Variants in LINGO1 observed in about 807,000 individuals in gnomAD.
LINGO1 encodes the protein leucine-rich repeat and immunoglobulin-like domain-containing nogo receptor-interacting protein 1.
Under a neutral mutation model 37.3 loss-of-function variants are expected in LINGO1, and 11 were observed. The observed-to-expected ratio is 0.29, with a 90% CI of 0.19 to 0.49. LINGO1 has a LOEUF of 0.49. Ranked by LOEUF, LINGO1 falls within the 20% of genes least tolerant of loss-of-function variation. LINGO1 has a pLI of 0.99. For synonymous variants in LINGO1, 387 were observed against 403.0 expected, an observed-to-expected ratio of 0.96 and a Z score of 0.48; for missense variants, 585 against 878.2, an observed-to-expected ratio of 0.67 and a Z score of 4.22.
At chr15:77,806,767 C>A (rs1476444382) in intron 1 of LINGO1, among the ~76,000 whole-genome samples, 1 of 152,076 alleles carries the variant, frequency 6.6e-6, no homozygotes, top group Non-Finnish European at 1.5e-5. Flanking sequence ...AGGAGGTGAG[C>A]GCCAGGATCT....
intron 3 of LINGO1, among the ~76,000 whole-genome samples, chr15:77,673,529 G>A (rs756837304): frequency 4.6e-5 from 7 of 152,166 alleles, no homozygotes; most frequent in African/African-American, 1.2e-4. Context: ...TGCCCTTGGC[G>A]TCCAGGACAT....
At chr15:77,699,771 T>TGCACACAGTAAGCA (rs2075756380), upstream of LINGO1, among the ~76,000 whole-genome samples, 4 of 89,104 alleles carry the variant, frequency 4.5e-5, no homozygotes, top group African/African-American at 1.2e-4. Flanking sequence ...ATACTAACCA[T>TGCACACAGTAAGCA]CATTCCCCCC....
At chr15:77,794,013 G>A (rs1262987727) in intron 2 of LINGO1, among the ~76,000 whole-genome samples, 1 of 152,092 alleles carries the variant, frequency 6.6e-6, no homozygotes, top group Admixed American at 6.5e-5. Context: ...TGGCCCTCCT[G>A]CCCTGCGTCA....
chr15:77,755,504 C>T (rs1158025630), intron 1 of LINGO1, among the ~76,000 whole-genome samples: 2 of 152,230 alleles, frequency 1.3e-5, no homozygotes, highest in Non-Finnish European at 2.9e-5. Flanking sequence ...ACCTCCCTGA[C>T]CCCGCATTTC....
At chr15:77,710,493 G>T (rs778998006) in intron 2 of LINGO1, among the ~76,000 whole-genome samples, 1 of 152,218 alleles carries the variant, frequency 6.6e-6, no homozygotes, top group Non-Finnish European at 1.5e-5. Context: ...TCAGTTTCAC[G>T]GTGTGGCAGG....
At chr15:77,807,222 G>A (rs2076967516) in intron 1 of LINGO1, among the ~76,000 whole-genome samples, 1 of 152,318 alleles carries the variant, frequency 6.6e-6, no homozygotes, top group South Asian at 2.1e-4. Context: ...TCATACCCAG[G>A]ACCCACCTGT....
intron 1 of LINGO1, among the ~76,000 whole-genome samples, chr15:77,771,121 G>A (rs994544025): frequency 2.0e-5 from 3 of 152,266 alleles, no homozygotes; most frequent in Admixed American, 1.3e-4. Context: ...AGTCCTTCTC[G>A]AGGGAGAGTT....
At chr15:77,776,749 C>G (rs970815801) in intron 1 of LINGO1, among the ~76,000 whole-genome samples, 1 of 152,200 alleles carries the variant, frequency 6.6e-6, no homozygotes, top group Non-Finnish European at 1.5e-5. Context: ...CTGCAAAGCT[C>G]CTTCTACCGC....
intron 1 of LINGO1, among the ~76,000 whole-genome samples, chr15:77,811,933 T>C (rs1460757773): frequency 6.9e-6 from 1 of 144,696 alleles, no homozygotes; most frequent in African/African-American, 2.5e-5. Flanking sequence ...CTGAAAATGT[T>C]CCCAACAAAA....
chr15:77,643,477 T>A (rs1208451131), intron 3 of LINGO1, among the ~76,000 whole-genome samples: 1 of 152,156 alleles, frequency 6.6e-6, no homozygotes, highest in Non-Finnish European at 1.5e-5. Flanking sequence ...GAGAGGCCCA[T>A]GGGGCATCGG....
intron 3 of LINGO1, among the ~76,000 whole-genome samples, chr15:77,676,896 C>A (rs1218958647): frequency 6.6e-6 from 1 of 152,202 alleles, no homozygotes; most frequent in Non-Finnish European, 1.5e-5. Flanking sequence ...TCTCAGAGGT[C>A]AGGAACTCCT....
At chr15:77,783,609 T>G (rs2076742324) in intron 1 of LINGO1, among the ~76,000 whole-genome samples, 1 of 152,162 alleles carries the variant, frequency 6.6e-6, no homozygotes, top group Non-Finnish European at 1.5e-5. Context: ...CTTCGTCCAT[T>G]TAATGGGGAT....
intron 1 of LINGO1, among the ~76,000 whole-genome samples, chr15:77,804,304 G>A (rs182630598): frequency 3.9e-5 from 6 of 152,200 alleles, no homozygotes; most frequent in Admixed American, 2.0e-4. Flanking sequence ...ATGCAGACTC[G>A]CACGATATGC....
intron 2 of LINGO1, among the ~76,000 whole-genome samples, chr15:77,711,954 C>A (rs970465088): frequency 5.9e-5 from 9 of 152,172 alleles, no homozygotes; most frequent in Non-Finnish European, 1.2e-4. Context: ...GCTCCCTGCT[C>A]CTCGGGGCTC....
intron 1 of LINGO1, among the ~76,000 whole-genome samples, chr15:77,624,568 G>T (rs1002621375): frequency 1.3e-5 from 2 of 152,218 alleles, no homozygotes; most frequent in African/African-American, 2.4e-5. Context: ...AATTGTCAGA[G>T]CATCTTAGTG....
chr15:77,680,252 A>G (rs2075391833), intron 2 of LINGO1, among the ~76,000 whole-genome samples: 1 of 152,102 alleles, frequency 6.6e-6, no homozygotes, highest in Non-Finnish European at 1.5e-5. Flanking sequence ...CACATCCCAC[A>G]CCGGGCATGG....
chr15:77,643,497 G>T (rs1228637016), intron 3 of LINGO1, among the ~76,000 whole-genome samples: 1 of 152,230 alleles, frequency 6.6e-6, no homozygotes, highest in Non-Finnish European at 1.5e-5. Flanking sequence ...GGGTTGGATG[G>T]CGGGAGGGAA....
chr15:77,780,186 G>A (rs907867427), intron 1 of LINGO1, among the ~76,000 whole-genome samples: 1 of 152,190 alleles, frequency 6.6e-6, no homozygotes, highest in Non-Finnish European at 1.5e-5. Flanking sequence ...ACACAGGGGA[G>A]GGTATAAGAA....
upstream of LINGO1, chr15:77,634,355 C>A: frequency 2.2e-6 from 1 of 456,052 alleles, no homozygotes; most frequent in Admixed American, 2.3e-5. Flanking sequence ...CTGTCTGGAG[C>A]ACTTTCTCCT....
Sources: gnomAD v4.1 joint callset for allele counts (sites outside exome capture counted in the v4.1 genomes callset) on GRCh38, gnomAD v4.1.1 for gene constraint, MANE v1.5 for transcripts, NCBI Gene and HGNC (gene_info 2026-07-23, HGNC 2026-07-21) for gene names.